The following SENP1 variants were observed in gnomAD, a reference collection of about 807,000 sequenced individuals.
The protein encoded by SENP1 is sentrin-specific protease 1.
A neutral mutation model predicts 93.0 loss-of-function variants in SENP1; 21 were observed. The observed-to-expected ratio is 0.23, with a 90% CI of 0.16 to 0.33. SENP1 has a LOEUF of 0.33. Among genes scored for constraint, SENP1 ranks in the 10% least tolerant of loss-of-function variants. SENP1 has a pLI of 1.00. For missense variants in SENP1, 591 were observed against 758.7 expected (o/e 0.78, Z 2.60); for synonymous variants, 256 against 259.6 (o/e 0.99, Z 0.13).
intron 6 of SENP1, among the ~76,000 whole-genome samples, chr12:48,078,057 C>A (rs189207506): frequency 6.6e-6 from 1 of 151,952 alleles, no homozygotes; most frequent in Admixed American, 6.6e-5. Context: ...AATCCATGAG[C>A]ACAGAATAGC....
chr12:48,044,126 CG>C lies in SENP1; in HGVS notation c.*1195del, dbSNP rs1418230922. The C allele has an allele frequency of 1.3e-5, 2 of 150,828 alleles. No homozygotes were observed. Among genetic ancestry groups the C allele is most frequent in the Non-Finnish European group, 3.0e-5 (2 of 67,688 alleles). The allele number at this position is 150,828 out of a possible 1,614,324, so 9.3% of individuals were successfully genotyped here. A position where few individuals can be genotyped will look rare whatever the true frequency, so the allele number is the denominator to read the frequency against. On this transcript the variant is annotated 3_prime_UTR_variant, in exon 18 of 18. Coordinates refer to ENST00000549518, the MANE Select transcript of SENP1 (RefSeq NM_001267594.2). Reference sequence around the variant, plus strand: ...CAAGTTGATCAGTCCAAACTCCACCCGTTTTTTTTTTTAGCTGAAAATATCA... The same window carrying C: ...CAAGTTGATCAGTCCAAACTCCACCCTTTTTTTTTTTAGCTGAAAATATCA...
chr12:48,068,600 TA>T (rs1009495291), intron 9 of SENP1, among the ~76,000 whole-genome samples: 1 of 151,648 alleles, frequency 6.6e-6, no homozygotes, highest in South Asian at 2.1e-4. Context: ...ATGAAAGCAT[TA>T]AAAAAAAGCG....
In SENP1 at chr12:48,074,790, C is replaced by T. The variant is rs1031660429; in HGVS notation, c.556G>A (p.Val186Ile). Residue 186 changes from valine to isoleucine, a missense_variant, in exon 7 of 18, where the codon GTT becomes ATT. By Grantham distance (29) the Val-to-Ile change is conservative. Around this residue, in one of 4 missense-constraint regions of SENP1, gnomAD observed 214 missense variants for 243.4 expected, o/e 0.88. Coordinates refer to ENST00000549518, the MANE Select transcript of SENP1 (RefSeq NM_001267594.2). Reference protein sequence around the residue: ...RRHVSTAEETVQEEEREIYRQ... With the variant: ...RRHVSTAEETIQEEEREIYRQ... ...TAAATCTCTCTTTCTTCTTCTTGAA[C>T]TGTCTATAAGAAAACAAAAAAAAAA... 9.4e-6 allele frequency: 15 copies of T among 1,589,778 alleles called. No homozygotes were observed. The highest frequency in any genetic ancestry group is 1.3e-5 in the Non-Finnish European group (15 of 1,163,074).
intron 13 of SENP1, among the ~76,000 whole-genome samples, chr12:48,056,043 AATAT>A (rs1325589707): frequency 1.6e-5 from 2 of 126,452 alleles, no homozygotes; most frequent in Non-Finnish European, 3.1e-5. Flanking sequence ...ATATAGTATA[AATAT>A]ATACTGTATA....
intron 15 of SENP1, 45 bp from the exon 16 acceptor site, chr12:48,047,107 A>G (rs1565728396): frequency 1.7e-6 from 2 of 1,206,758 alleles, no homozygotes; most frequent in Non-Finnish European, 2.4e-6. Flanking sequence ...GGGAACATCG[A>G]TGACAGCTGC....
At position 48,066,913 on chromosome 12, in the gene SENP1, CA is replaced by C; in HGVS notation, c.1034+13del. The C allele has an allele frequency of 1.3e-6, 2 of 1,543,034 alleles. No homozygotes were observed. ...ACTGATTGAGAAGGAAAAATGATACCAAAAATAACTTACAATTCTTTGATCC... is the reference window on the plus strand; with the variant it reads ...ACTGATTGAGAAGGAAAAATGATACCAAAATAACTTACAATTCTTTGATCC... On this transcript the variant is annotated intron_variant, in intron 10 of 17. Transcript: ENST00000549518.
chr12:48,097,837 TAATA>T, intron 3 of SENP1, 153 bp downstream of exon 3: 3 of 625,420 alleles, frequency 4.8e-6, no homozygotes, highest in Non-Finnish European at 5.2e-6. Context: ...GTCTTAATTT[TAATA>T]TATAGAGCAG....
chr12:48,052,895 G>A (rs776698527), intron 13 of SENP1, among the ~76,000 whole-genome samples: 1 of 152,138 alleles, frequency 6.6e-6, no homozygotes, highest in African/African-American at 2.4e-5. Flanking sequence ...AGTTCTGATC[G>A]TTTTATTCTA....
At chr12:48,105,202 T>C (rs1946407914) in intron 1 of SENP1, 1 of 339,070 alleles carries the variant, frequency 2.9e-6, no homozygotes, top group African/African-American at 2.1e-5. Context: ...ATATAATAAG[T>C]GTACCAAATA....
intron 6 of SENP1, among the ~76,000 whole-genome samples, chr12:48,075,861 T>G (rs916254812): frequency 2.6e-5 from 4 of 151,416 alleles, no homozygotes; most frequent in Admixed American, 6.6e-5. Context: ...TAAAAAAAAG[T>G]GATATTTCAG....
chr12:48,048,135 C>T, intron 14 of SENP1, 55 bp from the exon 15 acceptor site: 1 of 1,177,588 alleles, frequency 8.5e-7, no homozygotes, highest in Non-Finnish European at 1.3e-6. Flanking sequence ...ATCGGTTTAT[C>T]AGTTTTTCCC....
chr12:48,079,710 C>T lies in SENP1; in HGVS notation c.552+3881G>A, dbSNP rs545904075. On this transcript the variant is annotated intron_variant, in intron 6 of 17. Transcript: ENST00000549518. ...AGTTAGGTGATGTTTCTATAAAAGG[C>T]TCCATCATAAAAGAACTATAAAATT... is the stretch of plus-strand genomic sequence containing the variant. 5.9e-5 allele frequency among the ~76,000 whole-genome samples: 9 copies of T among 152,026 alleles called. No homozygotes were observed. The East Asian group carries it at 1.7e-3, about 29-fold the overall frequency.
chr12:48,056,976 T>C (rs1435424538), intron 13 of SENP1, among the ~76,000 whole-genome samples: 1 of 42,176 alleles, frequency 2.4e-5, no homozygotes, highest in African/African-American at 2.0e-4. Flanking sequence ...ATATATTACA[T>C]ATTACATATA....
At chr12:48,084,450 T>TG (rs1944698541) in intron 5 of SENP1, among the ~76,000 whole-genome samples, 1 of 112,502 alleles carries the variant, frequency 8.9e-6, no homozygotes, top group African/African-American at 4.2e-5. Context: ...ATTTTGAGTT[T>TG]TTTTTTTTTT....
chr12:48,064,985 T>G, intron 12 of SENP1, 80 bp downstream of exon 12: 1 of 1,089,814 alleles, frequency 9.2e-7, no homozygotes, highest in Admixed American at 1.9e-5. Flanking sequence ...CCACTATTGC[T>G]TTTATGTTTG....
intron 2 of SENP1, among the ~76,000 whole-genome samples, chr12:48,098,808 T>A (rs1401703641): frequency 2.6e-5 from 4 of 152,054 alleles, no homozygotes; most frequent in African/African-American, 4.8e-5. Flanking sequence ...GGAGACCCTA[T>A]GTCTAACAAT....
Position 48,074,507 on chromosome 12 carries a change from A to G in SENP1, c.757T>C (p.Ser253Pro), listed in dbSNP as rs769679051. ...TTAGTTAAAATGCTGGCAGATCCAG[A>G]TGATGAAGTATCAGAGCCAATGATC... Reference protein sequence around the residue: ...SQIIGSDTSSSGSASILTNQE... With the variant: ...SQIIGSDTSSPGSASILTNQE... Residue 253 changes from serine (S) to proline (P), a missense_variant, in exon 8 of 18, where the codon TCT becomes CCT. Ser to Pro is a moderately conservative substitution (Grantham distance 74, BLOSUM62 -1). Coordinates refer to ENST00000549518, the MANE Select transcript of SENP1 (RefSeq NM_001267594.2). The G allele has an allele frequency of 9.3e-6, 15 of 1,613,774 alleles. No individual in the cohort carries two copies. In the Admixed American group the frequency reaches 2.0e-4, roughly 22 times the overall value.
intron 5 of SENP1, among the ~76,000 whole-genome samples, chr12:48,088,056 C>CTT (rs72405174): frequency 1.4e-5 from 2 of 146,814 alleles, no homozygotes; most frequent in Non-Finnish European, 1.5e-5. Flanking sequence ...CTGTGACTAT[C>CTT]TTTTTTTTTT....
intron 6 of SENP1, among the ~76,000 whole-genome samples, chr12:48,078,092 T>G (rs2137077323): frequency 6.6e-6 from 1 of 151,992 alleles, no homozygotes; most frequent in African/African-American, 2.4e-5. Context: ...TATCTTCAAT[T>G]TCTTTCAACA....
Sources: gnomAD v4.1 joint callset for allele counts (sites outside exome capture counted in the v4.1 genomes callset) on GRCh38, gnomAD v4.1.1 for gene constraint, gnomAD v4.1.1 regional missense constraint, MANE v1.5 for transcripts, NCBI Gene and HGNC (gene_info 2026-07-23, HGNC 2026-07-21) for gene names.